Variants in C2CD3 observed in about 807,000 individuals in gnomAD.
C2CD3 encodes the protein C2 domain-containing protein 3.
In C2CD3, 148 loss-of-function variants were observed where a neutral mutation model predicts 234.0. The observed-to-expected ratio is 0.63, with a 90% CI of 0.55 to 0.72. The LOEUF (loss-of-function observed/expected upper bound fraction) is 0.72. C2CD3 is among the 30% of genes least tolerant of loss of function. C2CD3 has a pLI of 0.00. For synonymous variants in C2CD3, 1,000 were observed against 1,035.4 expected (o/e 0.97, Z 0.66); for missense variants, 2,577 against 2,811.5 (o/e 0.92, Z 1.89).
At chr11:74,064,565 A>C (rs991918147) in intron 24 of C2CD3, among the ~76,000 whole-genome samples, 1 of 152,206 alleles carries the variant, frequency 6.6e-6, no homozygotes, top group Non-Finnish European at 1.5e-5. Context: ...GAATTGGAAA[A>C]AACTACTTTA....
At position 74,170,982 on chromosome 11, in the gene C2CD3, G is replaced by A; in HGVS notation, c.-190C>T. On this transcript the variant is annotated 5_prime_UTR_variant, in exon 1 of 33. Coordinates refer to ENST00000334126, the MANE Select transcript of C2CD3 (RefSeq NM_001286577.2). ...CGGTGCGAAGAGAAGGCGCCAAGACGCCTTCCCTCCAATACACTACAATAC... is the reference window on the plus strand; with the variant it reads ...CGGTGCGAAGAGAAGGCGCCAAGACACCTTCCCTCCAATACACTACAATAC... 2.2e-6 allele frequency: 3 copies of A among 1,340,322 alleles called. No homozygotes were observed. The highest frequency in any genetic ancestry group is 1.3e-5 in the South Asian group (1 of 75,300). 83.0% of individuals were successfully genotyped at this position (1,340,322 alleles called of 1,614,324 possible).
rs1230435063 is a variant in C2CD3 at position 74,092,592 on chromosome 11, T to G, written c.3345-4A>C. 6.2e-7 allele frequency: 1 copy of G among 1,608,252 alleles called. No homozygotes were observed. Among genetic ancestry groups the G allele is most frequent in the African/African-American group, 1.3e-5 (1 of 74,782 alleles). On this transcript the variant is annotated splice_region_variant and splice_polypyrimidine_tract_variant and intron_variant, in intron 18 of 32. Transcript: ENST00000334126. Reference sequence around the variant, plus strand: ...TCTCACATTAGGATAATAGTATCTGTAAACCACAAAAGCACACGTTGTCAG... The same window carrying G: ...TCTCACATTAGGATAATAGTATCTGGAAACCACAAAAGCACACGTTGTCAG...
chr11:74,155,457 C>T (rs1275748295), intron 3 of C2CD3, among the ~76,000 whole-genome samples: 1 of 152,030 alleles, frequency 6.6e-6, no homozygotes, highest in African/African-American at 2.4e-5. Context: ...TATATGAATG[C>T]TAATAGCAAC....
intron 1 of C2CD3, among the ~76,000 whole-genome samples, chr11:74,169,546 C>T (rs1374652444): frequency 6.6e-6 from 1 of 152,114 alleles, no homozygotes; most frequent in African/African-American, 2.4e-5. Context: ...AATGCAAACA[C>T]CGCCTCTGCC....
chr11:74,147,792 T>G (rs72984885), intron 3 of C2CD3, among the ~76,000 whole-genome samples: 33,644 of 152,148 alleles, frequency 0.22, 4,130 homozygotes, highest in Admixed American at 0.3. Context: ...CTTTTTTGTA[T>G]TTTTCCATGC....
chr11:74,158,033 G>T (rs191427595), intron 3 of C2CD3, among the ~76,000 whole-genome samples: 1 of 152,288 alleles, frequency 6.6e-6, no homozygotes, highest in Non-Finnish European at 1.5e-5. Flanking sequence ...ATAAAAATAA[G>T]CTAAAAGTGG....
intron 6 of C2CD3, 97 bp downstream of exon 6, chr11:74,133,328 C>A: frequency 9.4e-7 from 1 of 1,067,094 alleles, no homozygotes; most frequent in Non-Finnish European, 1.4e-6. Flanking sequence ...ATTTGATAAG[C>A]ATTTCCAAGA....
chr11:74,057,066 A>G (rs1385296125), intron 25 of C2CD3, among the ~76,000 whole-genome samples: 2 of 151,978 alleles, frequency 1.3e-5, no homozygotes, highest in African/African-American at 4.8e-5. Flanking sequence ...ACCCAGCTTG[A>G]TGGTAATTTG....
intron 2 of C2CD3, among the ~76,000 whole-genome samples, chr11:74,167,179 T>C (rs11236029): frequency 0.17 from 25,560 of 152,142 alleles, 2,353 homozygotes; most frequent in East Asian, 0.3. Flanking sequence ...TGCACCAATA[T>C]ACCATAAGAT....
chr11:74,155,307 CA>C (rs1170885317), intron 3 of C2CD3, among the ~76,000 whole-genome samples: 1 of 151,976 alleles, frequency 6.6e-6, no homozygotes, highest in African/African-American at 2.4e-5. Flanking sequence ...TAAATATGAA[CA>C]AAAAATGGTA....
intron 31 of C2CD3, among the ~76,000 whole-genome samples, chr11:74,031,177 A>G (rs1298146078): frequency 1.6e-4 from 24 of 152,362 alleles, no homozygotes; most frequent in Non-Finnish European, 7.3e-5. Context: ...TAGGCAGTTT[A>G]CATGATTATT....
chr11:74,110,817 G>T (rs1028366358), intron 11 of C2CD3, among the ~76,000 whole-genome samples: 1 of 152,142 alleles, frequency 6.6e-6, no homozygotes, highest in African/African-American at 2.4e-5. Flanking sequence ...TTTTTTTCAA[G>T]AGTTGAAAGG....
At chr11:74,094,525 T>C (rs1956035413) in intron 17 of C2CD3, among the ~76,000 whole-genome samples, 1 of 152,186 alleles carries the variant, frequency 6.6e-6, no homozygotes, top group South Asian at 2.1e-4. Context: ...TCACCTGGTC[T>C]GTTTGTTCCC....
At chr11:74,059,410 CAA>C (rs57052333) in intron 24 of C2CD3, among the ~76,000 whole-genome samples, 45 of 29,958 alleles carry the variant, frequency 1.5e-3, no homozygotes, top group African/African-American at 5.9e-3. Flanking sequence ...GACTCTGTCT[CAA>C]AAAAAAAAAA....
At chr11:74,161,639 G>A in intron 2 of C2CD3, 83 bp from the exon 3 acceptor site, 1 of 849,630 alleles carries the variant, frequency 1.2e-6, no homozygotes, top group Non-Finnish European at 1.7e-6. Context: ...GGTATATGCG[G>A]AAAAGCTTTC....
At chr11:74,021,891 T>C (rs766019660) in intron 32 of C2CD3, among the ~76,000 whole-genome samples, 1 of 152,092 alleles carries the variant, frequency 6.6e-6, no homozygotes, top group Non-Finnish European at 1.5e-5. Context: ...TTTGGGAAGC[T>C]GAGGCGGGCA....
Position 74,078,401 on chromosome 11 carries a change from G to A in C2CD3, c.4317C>T (p.Tyr1439=). Reference sequence around the variant, plus strand: ...AAAAGGCTTCATGATCATAGAACTTGTAGCGAAGGTAGCAATATGTATTCT... The same window carrying A: ...AAAAGGCTTCATGATCATAGAACTTATAGCGAAGGTAGCAATATGTATTCT... ...IHKNTYCYLR[Y]KFYDHEAFWT... is the part of the protein sequence containing the mutation. Residue 1439 remains tyrosine (Y), a synonymous_variant, in exon 23 of 33, where the codon TAC becomes TAT. Transcript: ENST00000334126. 6.2e-7 allele frequency: 1 copy of A among 1,614,178 alleles called. No individual in the cohort carries two copies. Among genetic ancestry groups the A allele is most frequent in the Non-Finnish European group, 8.5e-7 (1 of 1,180,026 alleles).
intron 20 of C2CD3, among the ~76,000 whole-genome samples, chr11:74,086,901 T>C (rs768744127): frequency 3.9e-5 from 6 of 152,192 alleles, no homozygotes; most frequent in East Asian, 3.9e-4. Flanking sequence ...CTGTACTTCA[T>C]AGAGAGTAGT....
At position 74,083,803 on chromosome 11, in the gene C2CD3, G is replaced by T. The variant is rs149038036; in HGVS notation, c.4000+1078C>A. Among the ~76,000 whole-genome samples the T allele has an allele frequency of 4.9e-3, 739 of 152,296 alleles. 3 individuals are homozygous for T. Among genetic ancestry groups the T allele is most frequent in the Admixed American group, 8.1e-3 (124 of 15,296 alleles). ...AAAAGTCAGGAAACAACAGGTGCTG[G>T]AGAGGATGTGGAGAAATAGGAACGC... On this transcript the variant is annotated intron_variant, in intron 22 of 32. Transcript: ENST00000334126.
Sources: allele counts gnomAD v4.1 joint callset (sites outside exome capture counted in the v4.1 genomes callset), GRCh38; gene constraint gnomAD v4.1.1; transcripts MANE v1.5; gene names NCBI Gene and HGNC (gene_info 2026-07-23, HGNC 2026-07-21).